The following PCDHA2 variants were observed in gnomAD, a reference collection of about 807,000 sequenced individuals.
PCDHA2 encodes protocadherin alpha 2.
Under a neutral mutation model 66.0 loss-of-function variants are expected in PCDHA2, and 58 were observed. The observed-to-expected ratio is 0.88, with a 90% CI of 0.71 to 1.09. PCDHA2 has a LOEUF of 1.09. PCDHA2 is among the 50% of genes least tolerant of loss of function. The pLI is 0.00. For synonymous variants in PCDHA2, 634 were observed against 554.0 expected (o/e 1.14, Z -2.03); for missense variants, 1,267 against 1,242.3 (o/e 1.02, Z -0.30).
At chr5:140,875,874 A>C in intron 1 of PCDHA2, 1 of 1,614,188 alleles carries the variant, frequency 6.2e-7, no homozygotes, top group Non-Finnish European at 8.5e-7. Flanking sequence ...CGGTGTTCAG[A>C]GAAAGGGAAC....
intron 1 of PCDHA2, among the ~76,000 whole-genome samples, chr5:140,881,049 A>C (rs990514512): frequency 6.6e-6 from 1 of 152,238 alleles, no homozygotes; most frequent in Admixed American, 6.5e-5. Flanking sequence ...AGAGTTGTGC[A>C]CAGAACAGGC....
intron 1 of PCDHA2, among the ~76,000 whole-genome samples, chr5:140,941,916 A>G (rs191775899): frequency 2.8e-3 from 421 of 152,316 alleles, no homozygotes; most frequent in Middle Eastern, 6.8e-3. Flanking sequence ...GCTTTTATGT[A>G]TATCTTAAAA....
intron 1 of PCDHA2, chr5:140,876,187 G>A (rs1554168344): frequency 1.9e-6 from 3 of 1,613,842 alleles, no homozygotes; most frequent in African/African-American, 2.7e-5. Context: ...GAATGACAAT[G>A]GTCCGGCGTT....
chr5:140,846,373 CTTT>C (rs374699051), intron 1 of PCDHA2, among the ~76,000 whole-genome samples: 4 of 55,148 alleles, frequency 7.3e-5, no homozygotes, highest in Middle Eastern at 0.012. Flanking sequence ...TTCTTTCTTT[CTTT>C]TTTTTTTTTT....
intron 1 of PCDHA2, chr5:140,803,125 C>A: frequency 1.9e-6 from 3 of 1,613,798 alleles, no homozygotes; most frequent in South Asian, 1.1e-5. Flanking sequence ...GTGGACGCCC[C>A]GCGCCATCGC....
chr5:140,802,343 T>C (rs925654009), intron 1 of PCDHA2: 3 of 1,614,226 alleles, frequency 1.9e-6, no homozygotes, highest in Non-Finnish European at 2.5e-6. Context: ...CAGGAGTCAA[T>C]GGACAGGTCA....
chr5:141,009,601 A>T (rs1223112014), intron 3 of PCDHA2, 26 bp from the exon 4 acceptor site: 6 of 1,607,482 alleles, frequency 3.7e-6, no homozygotes, highest in Non-Finnish European at 5.1e-6. Flanking sequence ...GACCCTGTTA[A>T]TGATTTGTAA....
intron 1 of PCDHA2, chr5:140,969,516 A>G: frequency 1.4e-6 from 2 of 1,410,726 alleles, no homozygotes; most frequent in Non-Finnish European, 1.9e-6. Flanking sequence ...GCACTAAAGA[A>G]TTGTTTTATT....
intron 1 of PCDHA2, among the ~76,000 whole-genome samples, chr5:140,855,548 C>T (rs1345944772): frequency 1.3e-5 from 2 of 149,752 alleles, no homozygotes; most frequent in Non-Finnish European, 3.0e-5. Flanking sequence ...AGTGTCAGAA[C>T]TTAAATGGAA....
rs2150153849 is a variant in PCDHA2 at position 140,828,310 on chromosome 5, C to T, written c.2388+30958C>T. Reference sequence around the variant, plus strand: ...GGATGGCCTCCAAAGACCGCGAGGACCTTCTGGAGGTAAATCTGCAGAATG... The same window carrying T: ...GGATGGCCTCCAAAGACCGCGAGGATCTTCTGGAGGTAAATCTGCAGAATG... On this transcript the variant is annotated intron_variant, in intron 1 of 3. Coordinates refer to ENST00000526136, the MANE Select transcript of PCDHA2 (RefSeq NM_018905.3). 5.1e-5 allele frequency: 82 copies of T among 1,614,174 alleles called. 1 individual carries two copies. The South Asian group carries it at 8.1e-4, about 16-fold the overall frequency.
intron 1 of PCDHA2, chr5:140,863,340 G>T: frequency 7.4e-7 from 1 of 1,360,462 alleles, no homozygotes. Flanking sequence ...TCACGTTGCT[G>T]CTGTACACGA....
intron 1 of PCDHA2, chr5:140,862,299 T>C: frequency 3.7e-6 from 1 of 273,624 alleles, no homozygotes; most frequent in Non-Finnish European, 7.2e-6. Flanking sequence ...GACGCTCCAC[T>C]GGGTACCGTC....
chr5:140,849,578 G>A (rs2150441176), intron 1 of PCDHA2: 2 of 1,598,680 alleles, frequency 1.3e-6, no homozygotes, highest in East Asian at 2.2e-5. Flanking sequence ...CTGTAAAAGA[G>A]GACGCACAAC....
At chr5:140,882,535 G>A (rs2059175245) in intron 1 of PCDHA2, 4 of 1,614,232 alleles carry the variant, frequency 2.5e-6, no homozygotes, top group East Asian at 2.2e-5. Flanking sequence ...TGAATTCTCG[G>A]ATCGACCGCG....
chr5:140,925,027 C>A (rs1238112043), intron 1 of PCDHA2, among the ~76,000 whole-genome samples: 1 of 151,680 alleles, frequency 6.6e-6, no homozygotes, highest in Non-Finnish European at 1.5e-5. Flanking sequence ...GGGAGGATCG[C>A]TTGAGCCCAG....
At chr5:140,930,416 T>C (rs1554207810) in intron 1 of PCDHA2, 1 of 151,928 alleles carries the variant, frequency 6.6e-6, no homozygotes, top group East Asian at 1.9e-4. Flanking sequence ...GAGACAGGGG[T>C]CTCACTATGT....
In PCDHA2 at chr5:140,821,608, T is replaced by C. The variant is rs1767011676; in HGVS notation, c.2388+24256T>C. ...CCTTCCCAGCCTCAAAGGAATACAG[T>C]GAGTAGATTTTCCTTAGACAGAAAG... On this transcript the variant is annotated intron_variant, in intron 1 of 3. Transcript: ENST00000526136. The C allele has an allele frequency of 6.6e-6, 5 of 759,916 alleles. No individual in the cohort carries two copies. The South Asian group carries it at 8.7e-5, about 13-fold the overall frequency. The allele number at this position is 759,916 out of a possible 1,614,324, so 47.1% of individuals were successfully genotyped here. A position where few individuals can be genotyped will look rare whatever the true frequency, so the allele number is the denominator to read the frequency against.
intron 1 of PCDHA2, among the ~76,000 whole-genome samples, chr5:140,924,889 T>C (rs1554202242): frequency 8.9e-6 from 1 of 112,122 alleles, no homozygotes; most frequent in Non-Finnish European, 1.8e-5. Flanking sequence ...AGCAAGAACC[T>C]GTCTCAAAAA....
intron 1 of PCDHA2, chr5:140,860,892 C>A (rs1554153919): frequency 6.6e-6 from 1 of 152,368 alleles, no homozygotes; most frequent in Non-Finnish European, 1.5e-5. Flanking sequence ...TGCCCGCCAA[C>A]ACGCCAGGCT....
Sources: gnomAD v4.1 joint callset for allele counts (sites outside exome capture counted in the v4.1 genomes callset) on GRCh38, gnomAD v4.1.1 for gene constraint, MANE v1.5 for transcripts, NCBI Gene and HGNC (gene_info 2026-07-23, HGNC 2026-07-21) for gene names.